NRIP1: variants seen among roughly 807,000 people sequenced by gnomAD.
NRIP1 encodes nuclear receptor-interacting protein 1.
In NRIP1, 28 loss-of-function variants were observed where a neutral mutation model predicts 75.0. The ratio of observed to expected loss-of-function variants is 0.37; its 90% CI spans 0.28 to 0.51. The LOEUF (loss-of-function observed/expected upper bound fraction) is 0.51. NRIP1 is among the 20% of genes least tolerant of loss of function. NRIP1 has a pLI of 0.92. For missense variants in NRIP1, 1,435 were observed against 1,343.7 expected (o/e 1.07, Z -1.06); for synonymous variants, 526 against 487.6 (o/e 1.08, Z -1.04).
chr21:14,975,401 GTTTTAT>G (rs1008322291), intron 3 of NRIP1, among the ~76,000 whole-genome samples: 13 of 152,090 alleles, frequency 8.5e-5, no homozygotes, highest in Non-Finnish European at 1.5e-4. Flanking sequence ...GTCTCCAGAT[GTTTTAT>G]TTTTATTTTT....
Position 14,966,815 on chromosome 21 carries a change from G to C in NRIP1, c.1378C>G (p.Leu460Val). The C allele has an allele frequency of 1.9e-6, 3 of 1,614,124 alleles. No individual in the cohort carries two copies. Among genetic ancestry groups the C allele is most frequent in the Non-Finnish European group, 2.5e-6 (3 of 1,180,004 alleles). The part of the protein sequence containing the change: ...EKSESDQPVS[L>V]DNFTQSLLNT... ...AGCAAGGATTGAGTGAAGTTATCCAGGGAAACAGGTTGGTCAGATTCTGAT... is the reference window on the plus strand; with the variant it reads ...AGCAAGGATTGAGTGAAGTTATCCACGGAAACAGGTTGGTCAGATTCTGAT... Residue 460 changes from leucine to valine, a missense_variant, in exon 4 of 4, where the codon CTG becomes GTG. Transcript: ENST00000318948.
Position 15,063,724 on chromosome 21 carries a change from G to A in NRIP1, c.-538+1021C>T, listed in dbSNP as rs997756201. 2.6e-5 allele frequency among the ~76,000 whole-genome samples: 4 copies of A among 152,216 alleles called. No individual in the cohort carries two copies. The East Asian group carries it at 5.8e-4, about 22-fold the overall frequency. ...ACTCCAACTCAGTTCCACCAACTGG[G>A]TTTTTAAAAATCCTTGTGCCTAAGA... On this transcript the variant is annotated intron_variant, in intron 1 of 3. Transcript: ENST00000318948.
intron 2 of NRIP1, among the ~76,000 whole-genome samples, chr21:15,040,738 T>A (rs1225777631): frequency 6.6e-6 from 1 of 152,126 alleles, no homozygotes; most frequent in Non-Finnish European, 1.5e-5. Context: ...CAAACCCAGG[T>A]TTTGTGAGCC....
chr21:15,064,453 C>T (rs1978665308), intron 1 of NRIP1, among the ~76,000 whole-genome samples: 1 of 152,064 alleles, frequency 6.6e-6, no homozygotes, highest in Non-Finnish European at 1.5e-5. Flanking sequence ...TCCGGCCCCG[C>T]TCAGGGGCCA....
At chr21:15,061,570 C>G (rs924238300) in intron 1 of NRIP1, among the ~76,000 whole-genome samples, 1 of 152,104 alleles carries the variant, frequency 6.6e-6, no homozygotes, top group Non-Finnish European at 1.5e-5. Context: ...ATCTCAAATG[C>G]GAAAAGCAAA....
At position 14,967,641 on chromosome 21, in the gene NRIP1, G is replaced by A. The variant is rs1192210891; in HGVS notation, c.552C>T (p.His184=). Residue 184 remains histidine, a synonymous_variant, in exon 4 of 4, where the codon CAC becomes CAT. Coordinates refer to ENST00000318948, the MANE Select transcript of NRIP1 (RefSeq NM_003489.4). ...TACTTTTCTTCAACAAAGTTTTTAA[G>A]TGACTTGATGCAACACCATAGCACC... The part of the protein sequence containing the change: ...DLRCYGVASS[H]LKTLLKKSKV... 2.5e-6 allele frequency: 4 copies of A among 1,613,686 alleles called. No individual in the cohort carries two copies. The highest frequency in any genetic ancestry group is 3.4e-6 in the Non-Finnish European group (4 of 1,179,976).
At position 14,968,248 on chromosome 21, in the gene NRIP1, T is replaced by C; in HGVS notation, c.-56A>G. 1.6e-6 allele frequency: 2 copies of C among 1,262,484 alleles called. No individual in the cohort carries two copies. Among genetic ancestry groups the C allele is most frequent in the Non-Finnish European group, 2.2e-6 (2 of 898,566 alleles). The allele number at this position is 1,262,484 out of a possible 1,614,324, so 78.2% of individuals were successfully genotyped here. ...TTCTATTCACTTTAAAGAATGGTTTTCTGTGGTGAGTGCGATGTAACTTTA... is the reference window on the plus strand; with the variant it reads ...TTCTATTCACTTTAAAGAATGGTTTCCTGTGGTGAGTGCGATGTAACTTTA... On this transcript the variant is annotated 5_prime_UTR_variant, in exon 4 of 4. Transcript: ENST00000318948.
chr21:14,984,457 C>T (rs536124546), intron 3 of NRIP1, among the ~76,000 whole-genome samples: 8 of 151,296 alleles, frequency 5.3e-5, no homozygotes, highest in Non-Finnish European at 1.0e-4. Context: ...GCCACTACAC[C>T]GAGCCTGAGG....
intron 1 of NRIP1, among the ~76,000 whole-genome samples, chr21:15,063,941 T>C (rs950909509): frequency 6.6e-6 from 1 of 152,256 alleles, no homozygotes; most frequent in Non-Finnish European, 1.5e-5. Flanking sequence ...TAAGACACAG[T>C]TGGTTCCTTT....
At chr21:15,055,265 A>G (rs2089282565) in intron 1 of NRIP1, among the ~76,000 whole-genome samples, 1 of 152,204 alleles carries the variant, frequency 6.6e-6, no homozygotes, top group Admixed American at 6.5e-5. Flanking sequence ...CATCAGTAAA[A>G]AGTAGAGCTG....
Position 14,968,108 on chromosome 21 carries a change from C to T in NRIP1, c.85G>A (p.Ala29Thr), listed in dbSNP as rs890601224. 3.7e-6 allele frequency: 6 copies of T among 1,614,088 alleles called. No individual in the cohort carries two copies. The highest frequency in any genetic ancestry group is 4.2e-6 in the Non-Finnish European group (5 of 1,179,998). Reference sequence around the variant, plus strand: ...ACGGCAGTACCTGATCCCCCTGCTGCCTGATGCATTAGTAATCCTTCTAGG... The same window carrying T: ...ACGGCAGTACCTGATCCCCCTGCTGTCTGATGCATTAGTAATCCTTCTAGG... ...TYLEGLLMHQ[A>T]AGGSGTAVDK... Residue 29 changes from alanine to threonine, a missense_variant, in exon 4 of 4, where the codon GCA becomes ACA. Ala to Thr is a moderately conservative substitution (Grantham distance 58). Coordinates refer to ENST00000318948, the MANE Select transcript of NRIP1 (RefSeq NM_003489.4).
At chr21:15,048,508 A>C (rs1427000225) in intron 1 of NRIP1, among the ~76,000 whole-genome samples, 1 of 152,212 alleles carries the variant, frequency 6.6e-6, no homozygotes, top group East Asian at 1.9e-4. Context: ...CTCAAAATAG[A>C]GTTTATAATC....
intron 3 of NRIP1, among the ~76,000 whole-genome samples, chr21:15,007,385 T>C (rs1450292861): frequency 6.6e-6 from 1 of 152,210 alleles, no homozygotes; most frequent in African/African-American, 2.4e-5. Flanking sequence ...ACATAAACAG[T>C]GCTATAAGAT....
chr21:15,065,416 A>T (rs974589871), upstream of NRIP1, among the ~76,000 whole-genome samples: 1 of 151,884 alleles, frequency 6.6e-6, no homozygotes, highest in Non-Finnish European at 1.5e-5. Flanking sequence ...GGACCGGGGA[A>T]AGCGCTCTTG....
chr21:14,970,510 C>T (rs2086873413), intron 3 of NRIP1, among the ~76,000 whole-genome samples: 1 of 152,214 alleles, frequency 6.6e-6, no homozygotes, highest in African/African-American at 2.4e-5. Flanking sequence ...CGTGCCACTG[C>T]ACTCCAGCCT....
intron 3 of NRIP1, among the ~76,000 whole-genome samples, chr21:15,002,866 G>A (rs1244114196): frequency 6.6e-6 from 1 of 152,144 alleles, no homozygotes; most frequent in African/African-American, 2.4e-5. Context: ...AGAAAAGTAT[G>A]TGCATTACCA....
In NRIP1 at chr21:14,965,327, A is replaced by G. The variant is rs2086702503; in HGVS notation, c.2866T>C (p.Ser956Pro). Residue 956 changes from serine to proline, a missense_variant, in exon 4 of 4, where the codon TCT (serine) becomes CCT (proline). By Grantham distance (74) the Ser-to-Pro change is moderately conservative. Coordinates refer to ENST00000318948, the MANE Select transcript of NRIP1 (RefSeq NM_003489.4). ...VRDLSPHRSN[S>P]VADSKKKGHK... ...CCTTTCTTTTTACTGTCAGCCACAG[A>G]GTTACTTCTGTGCGGGGACAAATCT... 3.7e-6 allele frequency: 6 copies of G among 1,613,908 alleles called. No individual in the cohort carries two copies. The highest frequency in any genetic ancestry group is 1.3e-5 in the African/African-American group (1 of 74,902).
intron 2 of NRIP1, among the ~76,000 whole-genome samples, chr21:15,019,679 G>T (rs2088325319): frequency 6.6e-6 from 1 of 151,378 alleles, no homozygotes; most frequent in East Asian, 1.9e-4. Flanking sequence ...GTAGAGACGG[G>T]ATTTCACTAT....
intron 3 of NRIP1, among the ~76,000 whole-genome samples, chr21:14,995,983 A>C (rs1385968982): frequency 1.3e-5 from 2 of 152,200 alleles, no homozygotes; most frequent in Non-Finnish European, 2.9e-5. Flanking sequence ...GACCAACCTT[A>C]TCTCGCATCA....
Sources: gnomAD v4.1 joint callset for allele counts (sites outside exome capture counted in the v4.1 genomes callset) on GRCh38, gnomAD v4.1.1 for gene constraint, MANE v1.5 for transcripts, NCBI Gene and HGNC (gene_info 2026-07-23, HGNC 2026-07-21) for gene names.